Variants in EEA1 observed in about 807,000 individuals in gnomAD.
EEA1 encodes early endosome antigen 1, also known as early endosome antigen 1, 162kD.
Under a neutral mutation model 209.2 loss-of-function variants are expected in EEA1, and 111 were observed. The observed-to-expected ratio is 0.53, with a 90% CI of 0.45 to 0.62. EEA1 has a LOEUF of 0.62. Among genes scored for constraint, EEA1 ranks in the 20% least tolerant of loss-of-function variants. EEA1 has a pLI of 0.00. For missense variants in EEA1, 1,343 were observed against 1,530.8 expected (o/e 0.88, Z 2.05); for synonymous variants, 536 against 540.6 (o/e 0.99, Z 0.12).
intron 3 of EEA1, chr12:92,858,847 C>T: frequency 1.3e-6 from 1 of 744,596 alleles, no homozygotes; most frequent in Non-Finnish European, 2.5e-6. Flanking sequence ...TATTGGTGTG[C>T]CTCGGGGTGA....
At position 92,929,128 on chromosome 12, in the gene EEA1, T is replaced by C; in HGVS notation, c.-62A>G. 1.4e-6 allele frequency: 2 copies of C among 1,460,122 alleles called. No homozygotes were observed. The highest frequency in any genetic ancestry group is 1.9e-6 in the Non-Finnish European group (2 of 1,070,184). The allele number at this position is 1,460,122 out of a possible 1,614,324, so 90.4% of individuals were successfully genotyped here. On this transcript the variant is annotated 5_prime_UTR_variant, in exon 1 of 29. Coordinates refer to ENST00000322349, the MANE Select transcript of EEA1 (RefSeq NM_003566.4). ...CCAGACCCTGCGCGGGGCCACTCAC[T>C]ACTCGGGGTGCGCGGGCGGGAGGGA...
At chr12:92,802,323 A>G in intron 19 of EEA1, 81 bp downstream of exon 19, 2 of 1,292,552 alleles carry the variant, frequency 1.5e-6, no homozygotes, top group Non-Finnish European at 2.1e-6. Flanking sequence ...AGAAAAGCAA[A>G]CTGTGAATTA....
At chr12:92,906,569 C>A (rs1880393816) in intron 1 of EEA1, among the ~76,000 whole-genome samples, 1 of 152,114 alleles carries the variant, frequency 6.6e-6, no homozygotes, top group Non-Finnish European at 1.5e-5. Flanking sequence ...TTCCAGCACT[C>A]TGGGAGGCCG....
rs1010363397 is a variant in EEA1, at chr12:92,775,476, A to C, written c.*535T>G. ...CACCCAAGTAGTAAATTCATAACATAACAATGCAACTGAACCATGAACCCA... is the reference window on the plus strand; with the variant it reads ...CACCCAAGTAGTAAATTCATAACATCACAATGCAACTGAACCATGAACCCA... On this transcript the variant is annotated 3_prime_UTR_variant, in exon 29 of 29. Transcript: ENST00000322349. 2 of 152,068 alleles carry C rather than the reference A, an allele frequency of 1.3e-5. No individual in the cohort carries two copies. Among genetic ancestry groups the C allele is most frequent in the Admixed American group, 1.3e-4 (2 of 15,202 alleles). The allele number at this position is 152,068 out of a possible 1,614,324, so 9.4% of individuals were successfully genotyped here. A position where few individuals can be genotyped will look rare whatever the true frequency, so the allele number is the denominator to read the frequency against.
chr12:92,898,336 T>C (rs1592765698), intron 1 of EEA1, among the ~76,000 whole-genome samples: 1 of 152,320 alleles, frequency 6.6e-6, no homozygotes, highest in African/African-American at 2.4e-5. Context: ...AACTCAGGGT[T>C]CTGTGAGGTT....
chr12:92,832,914 A>T, intron 10 of EEA1, 64 bp from the exon 11 acceptor site: 1 of 1,230,876 alleles, frequency 8.1e-7, no homozygotes, highest in African/African-American at 1.5e-5. Context: ...AATTACTCAA[A>T]CAATCTTTGG....
At chr12:92,791,356 A>G (rs1187789314) in intron 21 of EEA1, among the ~76,000 whole-genome samples, 1 of 152,210 alleles carries the variant, frequency 6.6e-6, no homozygotes, top group African/African-American at 2.4e-5. Flanking sequence ...AAGACCCATC[A>G]GTGTGCTGTA....
chr12:92,785,329 T>C (rs1874083597), intron 22 of EEA1, among the ~76,000 whole-genome samples: 1 of 152,102 alleles, frequency 6.6e-6, no homozygotes. Context: ...ATTCTACTGG[T>C]GTCTAGGTAT....
chr12:92,811,518 C>A, intron 16 of EEA1, 84 bp from the exon 17 acceptor site: 1 of 911,910 alleles, frequency 1.1e-6, no homozygotes, highest in South Asian at 3.7e-5. Context: ...ATTGAAAACT[C>A]TAATTTTATT....
At chr12:92,888,598 A>AC (rs1226928895) in intron 2 of EEA1, among the ~76,000 whole-genome samples, 3 of 152,034 alleles carry the variant, frequency 2.0e-5, no homozygotes, top group Non-Finnish European at 4.4e-5. Flanking sequence ...AAACAAACAA[A>AC]AAAAAAAACC....
At chr12:92,905,542 G>T (rs1845155904) in intron 1 of EEA1, 1 of 152,048 alleles carries the variant, frequency 6.6e-6, no homozygotes, top group Non-Finnish European at 1.5e-5. Context: ...GGAGACCGAG[G>T]TTGCAGTGAG....
At chr12:92,802,897 T>G (rs1199601677) in intron 18 of EEA1, among the ~76,000 whole-genome samples, 163 bp from the exon 19 acceptor site, 1 of 152,062 alleles carries the variant, frequency 6.6e-6, no homozygotes, top group East Asian at 1.9e-4. Context: ...GAAAAATACT[T>G]TAGAACATCT....
At chr12:92,926,103 C>A (rs1405412012) in intron 1 of EEA1, among the ~76,000 whole-genome samples, 2 of 151,880 alleles carry the variant, frequency 1.3e-5, no homozygotes, top group Non-Finnish European at 2.9e-5. Context: ...AAGTGATTCT[C>A]CTACCTCAGC....
chr12:92,821,974 G>A (rs1243879560), intron 13 of EEA1, among the ~76,000 whole-genome samples: 1 of 149,622 alleles, frequency 6.7e-6, no homozygotes, highest in East Asian at 1.9e-4. Context: ...CTCTTCTTCT[G>A]ATCCATGAGA....
At chr12:92,817,673 C>T (rs2136680175) in intron 14 of EEA1, among the ~76,000 whole-genome samples, 1 of 152,332 alleles carries the variant, frequency 6.6e-6, no homozygotes, top group Non-Finnish European at 1.5e-5. Flanking sequence ...CGTCATGGCT[C>T]ACATTGTTTC....
chr12:92,853,810 A>G, intron 6 of EEA1, 105 bp downstream of exon 6: 2 of 985,264 alleles, frequency 2.0e-6, no homozygotes, highest in Non-Finnish European at 3.0e-6. Context: ...GTCATAAAGC[A>G]TAACCATGAA....
In EEA1 at chr12:92,929,032, C is replaced by T. The variant is rs1881324074; in HGVS notation, c.24+11G>A. 1.9e-6 allele frequency: 3 copies of T among 1,590,434 alleles called. No individual in the cohort carries two copies. The highest frequency in any genetic ancestry group is 2.8e-5 in the African/African-American group (2 of 72,630). On this transcript the variant is annotated intron_variant, in intron 1 of 28. Transcript: ENST00000322349. ...TCACGTGCTGCCAGAAAGACGGTTTCACTCTCTTACCCTCTGTAAAATCCT... is the reference window on the plus strand; with the variant it reads ...TCACGTGCTGCCAGAAAGACGGTTTTACTCTCTTACCCTCTGTAAAATCCT...
chr12:92,886,672 AAAGGAAGGAAGGAAAG>A (rs1879420326), intron 2 of EEA1, among the ~76,000 whole-genome samples: 1 of 147,110 alleles, frequency 6.8e-6, no homozygotes, highest in South Asian at 2.2e-4. Context: ...AGGGAGGAAG[AAAGGAAGGAAGGAAAG>A]AAGGAAGGAA....
At chr12:92,829,786 A>C (rs1876525720) in intron 11 of EEA1, among the ~76,000 whole-genome samples, 1 of 138,544 alleles carries the variant, frequency 7.2e-6, no homozygotes, top group Non-Finnish European at 1.6e-5. Flanking sequence ...CTTAAAAAAA[A>C]AAAAAAAAAA....
Sources: allele counts gnomAD v4.1 joint callset (sites outside exome capture counted in the v4.1 genomes callset), GRCh38; gene constraint gnomAD v4.1.1; transcripts MANE v1.5; gene names NCBI Gene and HGNC (gene_info 2026-07-23, HGNC 2026-07-21).